Variants in RPSA2 observed in about 807,000 individuals in gnomAD.
RPSA2 encodes small ribosomal subunit protein uS2B.
At chr19:23,849,074 C>CT in the RPSA2 span, among the ~76,000 whole-genome samples, 1 of 152,200 alleles carries the variant, frequency 6.6e-6, no homozygotes. Flanking sequence ...TTTCACTTTT[C>CT]CTGGAGTCAA....
the RPSA2 span, chr19:23,818,100 T>G: frequency 6.6e-6 from 1 of 152,232 alleles, no homozygotes; most frequent in Non-Finnish European, 1.5e-5. Flanking sequence ...TAAATGACGT[T>G]TAATAGCATC....
At chr19:23,847,179 T>G in the RPSA2 span, among the ~76,000 whole-genome samples, 1 of 152,006 alleles carries the variant, frequency 6.6e-6, no homozygotes, top group Non-Finnish European at 1.5e-5. Flanking sequence ...TTTCCTTCAT[T>G]AAATCTTTAA....
chr19:23,759,825 A>G, the RPSA2 span, among the ~76,000 whole-genome samples: 65 of 152,224 alleles, frequency 4.3e-4, no homozygotes, highest in Non-Finnish European at 8.2e-4. Flanking sequence ...CCCGGCCTAT[A>G]TATCAGGTTT....
the RPSA2 span, among the ~76,000 whole-genome samples, chr19:23,774,647 A>G: frequency 6.6e-6 from 1 of 152,136 alleles, no homozygotes; most frequent in Non-Finnish European, 1.5e-5. Context: ...CTTTTACACA[A>G]GGCTTCCCTC....
the RPSA2 span, among the ~76,000 whole-genome samples, chr19:23,840,489 G>A: frequency 6.6e-6 from 1 of 152,128 alleles, no homozygotes; most frequent in Non-Finnish European, 1.5e-5. Flanking sequence ...GCACCATTTA[G>A]GTTCTATCTG....
At chr19:23,800,027 CTTTTTTT>C in the RPSA2 span, among the ~76,000 whole-genome samples, 3 of 110,948 alleles carry the variant, frequency 2.7e-5, no homozygotes, top group Admixed American at 2.8e-4. Flanking sequence ...TTTTCTTTTT[CTTTTTTT>C]TTTTTTTTTT....
At chr19:23,808,203 AATCTAATT>A in the RPSA2 span, among the ~76,000 whole-genome samples, 1 of 152,034 alleles carries the variant, frequency 6.6e-6, no homozygotes, top group Admixed American at 6.6e-5. Flanking sequence ...CACACCTTAA[AATCTAATT>A]ATCATCACCA....
chr19:23,857,949 C>A, the RPSA2 span, among the ~76,000 whole-genome samples: 1 of 151,942 alleles, frequency 6.6e-6, no homozygotes, highest in African/African-American at 2.4e-5. Flanking sequence ...TCTGGAGAGA[C>A]AATTGCTTCA....
the RPSA2 span, among the ~76,000 whole-genome samples, chr19:23,834,030 G>A: frequency 2.0e-5 from 3 of 151,962 alleles, no homozygotes; most frequent in Admixed American, 6.6e-5. Flanking sequence ...TGCAGGTGCA[G>A]TAAAGATGAA....
chr19:23,779,130 A>G, the RPSA2 span, among the ~76,000 whole-genome samples: 2 of 150,064 alleles, frequency 1.3e-5, no homozygotes, highest in African/African-American at 2.5e-5. Flanking sequence ...CCTCCCAAGT[A>G]GCTGGGACTA....
the RPSA2 span, among the ~76,000 whole-genome samples, chr19:23,863,564 C>CAA: frequency 1.8e-5 from 2 of 109,802 alleles, no homozygotes; most frequent in African/African-American, 7.2e-5. Flanking sequence ...GATTCCAACT[C>CAA]AAAAAAAAAA....
At chr19:23,786,726 G>C in the RPSA2 span, among the ~76,000 whole-genome samples, 1 of 151,896 alleles carries the variant, frequency 6.6e-6, no homozygotes, top group Non-Finnish European at 1.5e-5. Context: ...AATTGTGACA[G>C]ATTACTGGCC....
the RPSA2 span, among the ~76,000 whole-genome samples, chr19:23,782,800 G>A: frequency 2.6e-5 from 4 of 152,060 alleles, no homozygotes; most frequent in African/African-American, 9.7e-5. Context: ...ATATAAAGCT[G>A]AGCCCAGCAC....
the RPSA2 span, among the ~76,000 whole-genome samples, chr19:23,761,968 A>C: frequency 3.5e-3 from 289 of 82,460 alleles, 2 homozygotes; most frequent in African/African-American, 0.013. Flanking sequence ...CCCAGGCTGG[A>C]GTGCAGTGGC....
the RPSA2 span, among the ~76,000 whole-genome samples, chr19:23,860,112 T>A: frequency 6.6e-6 from 1 of 152,170 alleles, no homozygotes; most frequent in African/African-American, 2.4e-5. Context: ...TTACCAGTGT[T>A]CTCTCTGAAA....
chr19:23,827,489 A>G, the RPSA2 span: 4 of 1,593,322 alleles, frequency 2.5e-6, no homozygotes, highest in African/African-American at 5.4e-5. Context: ...AACCTTCACT[A>G]ACCAGATCCA....
At chr19:23,801,518 G>A in the RPSA2 span, among the ~76,000 whole-genome samples, 1 of 152,286 alleles carries the variant, frequency 6.6e-6, no homozygotes, top group Admixed American at 6.5e-5. Flanking sequence ...TGGGATTACA[G>A]GCGTGAGCCA....
chr19:23,841,463 C>CA, the RPSA2 span, among the ~76,000 whole-genome samples: 12 of 152,100 alleles, frequency 7.9e-5, no homozygotes, highest in Non-Finnish European at 1.5e-4. Flanking sequence ...GACTCCGTCT[C>CA]AAAAAACAAA....
At chr19:23,786,660 G>A in the RPSA2 span, among the ~76,000 whole-genome samples, 2 of 152,184 alleles carry the variant, frequency 1.3e-5, no homozygotes, top group Admixed American at 1.3e-4. Context: ...ATAACTCAAT[G>A]TCCATCACCA....
Sources: gnomAD v4.1 joint callset for allele counts (sites outside exome capture counted in the v4.1 genomes callset) on GRCh38, gnomAD v4.1.1 for gene constraint, MANE v1.5 for transcripts, NCBI Gene and HGNC (gene_info 2026-07-23, HGNC 2026-07-21) for gene names.